RRM2: variants seen among roughly 807,000 people sequenced by gnomAD.
RRM2 encodes ribonucleotide reductase regulatory subunit M2.
RRM2 carries 6 observed loss-of-function variants against 45.9 expected under a neutral mutation model. That is an observed-to-expected ratio of 0.13 (90% CI 0.07 to 0.26). RRM2 has a LOEUF of 0.26. Ranked by LOEUF, RRM2 falls within the 10% of genes least tolerant of loss-of-function variation. The pLI, the probability that RRM2 is intolerant of heterozygous loss-of-function variation, is 1.00. For missense variants in RRM2, 343 were observed against 489.5 expected (o/e 0.70, Z 2.82); for synonymous variants, 177 against 173.0 (o/e 1.02, Z -0.18).
chr2:10,186,881 T>A (rs1664178585), intron 3 of RRM2, among the ~76,000 whole-genome samples: 1 of 152,220 alleles, frequency 6.6e-6, no homozygotes, highest in Non-Finnish European at 1.5e-5. Flanking sequence ...GGACACGTCT[T>A]CTGTGCTCCA....
chr2:10,175,115 A>G lies in RRM2; in HGVS notation n.482+32740A>G, dbSNP rs563546298. 1.1e-4 allele frequency among the ~76,000 whole-genome samples: 17 copies of G among 152,356 alleles called. No individual in the cohort carries two copies. In the South Asian group the frequency reaches 1.4e-3, roughly 13 times the overall value. ...TAATTACATGCAGAAAAGTGCACAAATCTGAAGTCTGCAGTTTGAGAAGTT... is the reference window on the plus strand; with the variant it reads ...TAATTACATGCAGAAAAGTGCACAAGTCTGAAGTCTGCAGTTTGAGAAGTT... On this transcript the variant is annotated intron_variant and non_coding_transcript_variant, in intron 3 of 3. Transcript: ENST00000381786.
Position 10,204,295 on chromosome 2 carries a change from G to A in RRM2, n.483-6016G>A, listed in dbSNP as rs1664625643. Among the ~76,000 whole-genome samples the A allele has an allele frequency of 6.6e-6, 1 of 152,204 alleles. No individual in the cohort carries two copies. Among genetic ancestry groups the A allele is most frequent in the Non-Finnish European group, 1.5e-5 (1 of 68,046 alleles). On this transcript the variant is annotated intron_variant and non_coding_transcript_variant, in intron 3 of 3. Transcript: ENST00000381786. This position sits in a 1 kb window ranked among gnomAD's most constrained non-coding sequence, Gnocchi z 4.0. Reference sequence around the variant, plus strand: ...CCCCATCCAGCCTGTGGGATCAGAGGAGCCTTCTTGGAGGAGGTGATGCTG... The same window carrying A: ...CCCCATCCAGCCTGTGGGATCAGAGAAGCCTTCTTGGAGGAGGTGATGCTG...
At chr2:10,159,944 G>A (rs1292875246) in intron 3 of RRM2, among the ~76,000 whole-genome samples, 1 of 152,176 alleles carries the variant, frequency 6.6e-6, no homozygotes, top group Non-Finnish European at 1.5e-5. Context: ...ACACAGCTCT[G>A]CTCTTACCCT....
At chr2:10,197,864 C>G (rs1429496850) in intron 3 of RRM2, among the ~76,000 whole-genome samples, 1 of 152,170 alleles carries the variant, frequency 6.6e-6, no homozygotes, top group East Asian at 1.9e-4. Flanking sequence ...AGGAAGGTCA[C>G]TCAGACTTTC....
intron 3 of RRM2, among the ~76,000 whole-genome samples, chr2:10,149,177 G>A (rs6432069): frequency 0.58 from 88,021 of 150,482 alleles, 26,318 homozygotes; most frequent in Non-Finnish European, 0.66. Flanking sequence ...TGCTCAGGCT[G>A]GAGTGCAGTG....
chr2:10,164,009 CGT>C (rs370774780), intron 3 of RRM2, among the ~76,000 whole-genome samples: 8,299 of 150,054 alleles, frequency 0.055, 264 homozygotes, highest in East Asian at 0.12. Flanking sequence ...TGAATGTGTG[CGT>C]GTGTGTGTGT....
At chr2:10,177,702 C>CCTTCCTTCCTTCCTTCCTTCCTTT (rs1247308877) in intron 3 of RRM2, among the ~76,000 whole-genome samples, 14 of 142,478 alleles carry the variant, frequency 9.8e-5, no homozygotes, top group African/African-American at 3.7e-4. Flanking sequence ...TTCCTTCCTT[C>CCTTCCTTCCTTCCTTCCTTCCTTT]CTTCCTCTCT....
At chr2:10,125,431 C>T (rs1037669608) in intron 5 of RRM2, among the ~76,000 whole-genome samples, 21 of 152,040 alleles carry the variant, frequency 1.4e-4, no homozygotes, top group Non-Finnish European at 5.9e-5. Context: ...TAGGGTGGCG[C>T]GCGGTGGTTC....
rs916976047 is a variant in RRM2, at chr2:10,195,625, G to T, written n.483-14686G>T. Among the ~76,000 whole-genome samples, 21 of 152,200 alleles carry T rather than the reference G, an allele frequency of 1.4e-4. No individual in the cohort carries two copies. The highest frequency in any genetic ancestry group is 5.1e-4 in the African/African-American group (21 of 41,456). Reference sequence around the variant, plus strand: ...CAAGGGTGGGAAGCGAGGGAGAAGAGGTCGCGGTGAGCCTCGGGTGGACCC... The same window carrying T: ...CAAGGGTGGGAAGCGAGGGAGAAGATGTCGCGGTGAGCCTCGGGTGGACCC... On this transcript the variant is annotated intron_variant and non_coding_transcript_variant, in intron 3 of 3. Transcript: ENST00000381786. This position sits in a 1 kb window ranked among gnomAD's most constrained non-coding sequence, Gnocchi z 4.9.
chr2:10,161,796 T>C (rs59523026), intron 3 of RRM2, among the ~76,000 whole-genome samples: 2,552 of 152,338 alleles, frequency 0.017, 65 homozygotes, highest in African/African-American at 0.058. Context: ...ATGTTTTTCA[T>C]GGGAAGCTGA....
chr2:10,197,892 A>G (rs1664448131), intron 3 of RRM2, among the ~76,000 whole-genome samples: 1 of 152,028 alleles, frequency 6.6e-6, no homozygotes, highest in East Asian at 1.9e-4. Flanking sequence ...CTGCTGGTGG[A>G]TGGGGCCCCT....
At chr2:10,135,859 G>A (rs1417165384), downstream of RRM2, among the ~76,000 whole-genome samples, 3 of 152,162 alleles carry the variant, frequency 2.0e-5, no homozygotes, top group Non-Finnish European at 4.4e-5. Context: ...GTTTGGGTGT[G>A]ACTTCATCCC....
rs1455132041 is a variant in RRM2, at chr2:10,169,222, C to T, written n.482+26847C>T. On this transcript the variant is annotated intron_variant and non_coding_transcript_variant, in intron 3 of 3. Coordinates refer to the RRM2 transcript ENST00000381786. This position sits in a 1 kb window ranked among gnomAD's most constrained non-coding sequence, Gnocchi z 5.1. ...GTTTTGAACTCCCGGGCTCAATCCT[C>T]CTGCCTCAGCCTCCCACAGTGCTGG... is the stretch of plus-strand genomic sequence containing the variant. Among the ~76,000 whole-genome samples the T allele has an allele frequency of 6.6e-6, 1 of 151,136 alleles. No homozygotes were observed. The highest frequency in any genetic ancestry group is 1.5e-5 in the Non-Finnish European group (1 of 67,924).
downstream of RRM2, among the ~76,000 whole-genome samples, chr2:10,133,416 G>A (rs1214336427): frequency 2.0e-5 from 3 of 152,250 alleles, no homozygotes; most frequent in African/African-American, 7.2e-5. Flanking sequence ...GGAGGAACCA[G>A]ATGGGTGTTC....
chr2:10,141,053 C>T (rs1003714081), upstream of RRM2, among the ~76,000 whole-genome samples: 27 of 152,074 alleles, frequency 1.8e-4, no homozygotes, highest in African/African-American at 6.0e-4. Flanking sequence ...CTGTCATGTG[C>T]GGGGCCCACG....
intron 3 of RRM2, among the ~76,000 whole-genome samples, chr2:10,200,447 AGGCCCAC>A (rs1664530468): frequency 7.2e-6 from 1 of 138,212 alleles, no homozygotes; most frequent in African/African-American, 2.7e-5. Context: ...GCAAAATATG[AGGCCCAC>A]AGGGACCGCG....
At position 10,127,394 on chromosome 2, in the gene RRM2, G is replaced by T; in HGVS notation, c.798+174G>T. The T allele has an allele frequency of 3.1e-6, 2 of 642,454 alleles. No homozygotes were observed. The highest frequency in any genetic ancestry group is 5.3e-6 in the Non-Finnish European group (2 of 378,848). The allele number at this position is 642,454 out of a possible 1,614,324, so 39.8% of individuals were successfully genotyped here. A position where few individuals can be genotyped will look rare whatever the true frequency, so the allele number is the denominator to read the frequency against. The stretch of plus-strand genomic sequence containing the variant: ...GGAAATACTTTCATTTACTGAAACT[G>T]TTTTACTTGCATTCTCAATATATTG... On this transcript the variant is annotated intron_variant, in intron 7 of 9. Transcript: ENST00000304567. This position sits in a 1 kb window ranked among gnomAD's most constrained non-coding sequence, Gnocchi z 4.1.
In RRM2 at chr2:10,129,593, G is replaced by A; in HGVS notation, c.*207G>A. ...CTTTTGCCAGAAGGCCTGGCTGGCT[G>A]TGACTTACCATAGCAGTGACAATGG... is the stretch of plus-strand genomic sequence containing the variant. On this transcript the variant is annotated 3_prime_UTR_variant, in exon 10 of 10. Transcript: ENST00000304567. This position sits in a 1 kb window ranked among gnomAD's most constrained non-coding sequence, Gnocchi z 4.8. The A allele has an allele frequency of 1.7e-6, 1 of 581,978 alleles. No individual in the cohort carries two copies. The highest frequency in any genetic ancestry group is 2.3e-5 in the South Asian group (1 of 42,806). 36.1% of individuals were successfully genotyped at this position (581,978 alleles called of 1,614,324 possible).
At chr2:10,200,531 CAAATTATGAGTCCCACAGGGACCG>C in intron 3 of RRM2, among the ~76,000 whole-genome samples, 2 of 7,720 alleles carry the variant, frequency 2.6e-4, no homozygotes, top group East Asian at 0.011. Flanking sequence ...ACTGCGCGCA[CAAATTATGAGTCCCACAGGGACCG>C]CGCGCGCAAA....
Sources: gnomAD v4.1 joint callset for allele counts (sites outside exome capture counted in the v4.1 genomes callset) on GRCh38, gnomAD v4.1.1 for gene constraint, Gnocchi (gnomAD v3.1) non-coding constraint, MANE v1.5 for transcripts, NCBI Gene and HGNC (gene_info 2026-07-23, HGNC 2026-07-21) for gene names.